The following ANK1 variants were observed in gnomAD, a reference collection of about 807,000 sequenced individuals.
The protein encoded by ANK1 is ankyrin 1.
In ANK1, 51 loss-of-function variants were observed where a neutral mutation model predicts 210.4. That is an observed-to-expected ratio of 0.24 (90% confidence interval 0.19 to 0.31). ANK1 has a LOEUF of 0.31. Among genes scored for constraint, ANK1 ranks in the 10% least tolerant of loss-of-function variants. The pLI is 1.00. For synonymous variants in ANK1, 967 were observed against 1,025.9 expected, an observed-to-expected ratio of 0.94 and a Z score of 1.10; for missense variants, 2,051 against 2,504.4, an observed-to-expected ratio of 0.82 and a Z score of 3.86.
In ANK1 at chr8:41,725,895, C is replaced by T. The variant is rs746031478; in HGVS notation, c.478G>A (p.Val160Ile). The T allele has an allele frequency of 3.1e-6, 5 of 1,613,614 alleles. No individual in the cohort carries two copies. The African/African-American group carries it at 4.0e-5, about 13-fold the overall frequency. ...GTGCCGTAGTTGATGAGGTGCGCGACGACGTTCTCATGGCCCTGCTGCAGG... is the reference window on the plus strand; with the variant it reads ...GTGCCGTAGTTGATGAGGTGCGCGATGACGTTCTCATGGCCCTGCTGCAGG... Reference protein sequence around the residue: ...VALQQGHENVVAHLINYGTKG... With the variant: ...VALQQGHENVIAHLINYGTKG... The change falls in exon 6 of 43, where the codon GTC (valine) becomes ATC (isoleucine). Residue 160 changes from valine to isoleucine, a missense_variant. Physicochemically the swap from Val to Ile is conservative, Grantham distance 29. This residue lies in a region of ANK1 where 1,413 missense variants were observed against 1,707.4 expected (regional missense o/e 0.83). Coordinates refer to ENST00000289734, the MANE Select transcript of ANK1 (RefSeq NM_000037.4).
chr8:41,687,454 C>T (rs879524401), intron 35 of ANK1, among the ~76,000 whole-genome samples: 1 of 152,202 alleles, frequency 6.6e-6, no homozygotes, highest in Non-Finnish European at 1.5e-5. Flanking sequence ...CAGGGATCAG[C>T]ACGAGAACGT....
At chr8:41,676,955 AC>A (rs1485770813) in intron 37 of ANK1, among the ~76,000 whole-genome samples, 13 of 152,192 alleles carry the variant, frequency 8.5e-5, no homozygotes. Flanking sequence ...GGTAGAATTC[AC>A]CAGTGAAGCC....
intron 1 of ANK1, among the ~76,000 whole-genome samples, chr8:41,766,337 G>A (rs753246716): frequency 6.6e-6 from 1 of 152,198 alleles, no homozygotes. Context: ...TGACGATGGA[G>A]AAACAGAGGT....
rs1363685410 is a variant in ANK1 at position 41,797,556 on chromosome 8, G to A, written c.-18C>T. ...TAGGGCATGCCGGTCTTTCAGCAGG[G>A]GCCCGCCGAAGGGCCTTGGGGGCTT... On this transcript the variant is annotated 5_prime_UTR_variant, in exon 1 of 43. Coordinates refer to ENST00000289734, the MANE Select transcript of ANK1 (RefSeq NM_000037.4). This position sits in a 1 kb window ranked among gnomAD's most constrained non-coding sequence, Gnocchi z 4.0. 6.2e-7 allele frequency: 1 copy of A among 1,613,458 alleles called. No individual in the cohort carries two copies. Among genetic ancestry groups the A allele is most frequent in the Admixed American group, 1.7e-5 (1 of 60,000 alleles).
chr8:41,786,762 A>T (rs1442200512), intron 1 of ANK1, among the ~76,000 whole-genome samples: 1 of 152,138 alleles, frequency 6.6e-6, no homozygotes. Context: ...AAAACTCCGC[A>T]GGAAAACTAT....
At chr8:41,679,855 C>T (rs967174109) in intron 37 of ANK1, among the ~76,000 whole-genome samples, 4 of 152,010 alleles carry the variant, frequency 2.6e-5, no homozygotes, top group Non-Finnish European at 2.9e-5. Context: ...TGAGCCACCG[C>T]GCCCGGCCTT....
chr8:41,803,271 A>G (rs1192639727), intron 1 of ANK1: 6 of 152,172 alleles, frequency 3.9e-5, no homozygotes, highest in Non-Finnish European at 5.9e-5. Context: ...CAGTCTATAG[A>G]TACATACATT....
At chr8:41,692,577 T>C (rs1475941130) in intron 31 of ANK1, 71 bp downstream of exon 31, 1 of 1,477,450 alleles carries the variant, frequency 6.8e-7, no homozygotes, top group Non-Finnish European at 9.4e-7. Context: ...TGCCTGCACC[T>C]GGTAATGGTG....
At chr8:41,815,494 C>T (rs1248697568) in intron 1 of ANK1, among the ~76,000 whole-genome samples, 1 of 152,102 alleles carries the variant, frequency 6.6e-6, no homozygotes, top group Non-Finnish European at 1.5e-5. Context: ...TCTCTTTCTT[C>T]CCAACTTCAT....
intron 35 of ANK1, 83 bp from the exon 36 acceptor site, chr8:41,686,366 C>G (rs1297720909): frequency 3.4e-5 from 54 of 1,590,558 alleles, no homozygotes; most frequent in Non-Finnish European, 4.6e-5. Context: ...TGGGTGGGCA[C>G]TGGGGCGTGG....
Position 41,694,483 on chromosome 8 carries a change from T to C in ANK1, c.3327+109A>G. The C allele has an allele frequency of 1.7e-6, 2 of 1,163,110 alleles. No homozygotes were observed. 72.0% of individuals were successfully genotyped at this position (1,163,110 alleles called of 1,614,324 possible). A position where few individuals can be genotyped will look rare whatever the true frequency, so the allele number is the denominator to read the frequency against. On this transcript the variant is annotated intron_variant, in intron 28 of 42. Transcript: ENST00000289734. The surrounding 1 kb of genome is among the most constrained non-coding windows in gnomAD (Gnocchi z 5.7). Reference sequence around the variant, plus strand: ...TAAACTCAGATCTCCACTGTGGCATTTCAAAGCACCAGACAAAAGTGTGGG... The same window carrying C: ...TAAACTCAGATCTCCACTGTGGCATCTCAAAGCACCAGACAAAAGTGTGGG...
Position 41,668,409 on chromosome 8 carries a change from T to G in ANK1, c.5252A>C (p.Glu1751Ala), listed in dbSNP as rs773833691. The change falls in exon 39 of 43, where the codon GAG (glutamate) becomes GCG (alanine). Residue 1751 changes from glutamate to alanine, a missense_variant. Physicochemically the swap from Glu to Ala is moderately radical, Grantham distance 107. Transcript: ENST00000289734. ...GLEPGGSQEY[E>A]KVLVSVSEHT... The stretch of plus-strand genomic sequence containing the variant: ...CTCACTTACAGACACCAGGACCTTC[T>G]CGTACTCCTGAGATCCACCGGGCTC... 1.2e-6 allele frequency: 2 copies of G among 1,614,250 alleles called. No individual in the cohort carries two copies. Among genetic ancestry groups the G allele is most frequent in the Admixed American group, 3.3e-5 (2 of 60,030 alleles).
chr8:41,692,934 T>C (rs181282627), intron 30 of ANK1, 58 bp from the exon 31 acceptor site: 3 of 1,573,912 alleles, frequency 1.9e-6, no homozygotes, highest in Non-Finnish European at 2.6e-6. Context: ...ATCCTTTCCA[T>C]CCAGACGGGA....
chr8:41,691,907 G>C (rs1487375910), intron 31 of ANK1, among the ~76,000 whole-genome samples: 4 of 152,190 alleles, frequency 2.6e-5, no homozygotes, highest in Non-Finnish European at 5.9e-5. Context: ...GTCCAGACTG[G>C]TCTCAAACTC....
intron 1 of ANK1, among the ~76,000 whole-genome samples, chr8:41,882,741 G>C (rs1817799351): frequency 6.6e-6 from 1 of 152,230 alleles, no homozygotes; most frequent in African/African-American, 2.4e-5. Flanking sequence ...TCTGGGCTGT[G>C]GGATTGCCTT....
At chr8:41,715,334 G>A (rs1402210890) in intron 14 of ANK1, among the ~76,000 whole-genome samples, 1 of 152,244 alleles carries the variant, frequency 6.6e-6, no homozygotes, top group East Asian at 1.9e-4. Flanking sequence ...TGAGGGCAGG[G>A]TATGAGTCTT....
intron 2 of ANK1, among the ~76,000 whole-genome samples, chr8:41,738,401 C>T (rs1325395077): frequency 1.3e-5 from 2 of 152,142 alleles, no homozygotes; most frequent in African/African-American, 4.8e-5. Context: ...CACAAGTCAC[C>T]ACCATCTAGC....
chr8:41,817,656 CTGTT>C (rs1318878373), intron 1 of ANK1, among the ~76,000 whole-genome samples: 2 of 152,222 alleles, frequency 1.3e-5, no homozygotes, highest in African/African-American at 4.8e-5. Context: ...TTTTAATAAA[CTGTT>C]TTCTTTCTTT....
intron 2 of ANK1, among the ~76,000 whole-genome samples, chr8:41,738,466 G>A (rs539520881): frequency 6.6e-6 from 1 of 152,324 alleles, no homozygotes; most frequent in Non-Finnish European, 1.5e-5. Context: ...ACACAAAGGA[G>A]CTTGTACAGC....
Sources: gnomAD v4.1 joint callset for allele counts (sites outside exome capture counted in the v4.1 genomes callset) on GRCh38, gnomAD v4.1.1 for gene constraint, gnomAD v4.1.1 regional missense constraint, Gnocchi (gnomAD v3.1) non-coding constraint, MANE v1.5 for transcripts, NCBI Gene and HGNC (gene_info 2026-07-23, HGNC 2026-07-21) for gene names.